The following TBCD variants were observed in gnomAD, a reference collection of about 807,000 sequenced individuals.
TBCD encodes tubulin-specific chaperone D.
Under a neutral mutation model 169.3 loss-of-function variants are expected in TBCD, and 105 were observed. The ratio of observed to expected loss-of-function variants is 0.62; its 90% confidence interval spans 0.53 to 0.73. The LOEUF (loss-of-function observed/expected upper bound fraction) is 0.73, where lower values mean the gene tolerates loss of function less well. Among genes scored for constraint, TBCD ranks in the 30% least tolerant of loss-of-function variants. The pLI, the probability that TBCD is intolerant of heterozygous loss-of-function variation, is 0.00. For synonymous variants in TBCD, 700 were observed against 643.9 expected, an observed-to-expected ratio of 1.09 and a Z score of -1.32; for missense variants, 1,444 against 1,600.1, an observed-to-expected ratio of 0.90 and a Z score of 1.66.
chr17:82,898,301 G>A (rs1344981945), intron 17 of TBCD, among the ~76,000 whole-genome samples: 5 of 29,174 alleles, frequency 1.7e-4, no homozygotes, highest in Non-Finnish European at 2.5e-4. Context: ...GGGAGCACAC[G>A]GCACGGCTCT....
intron 2 of TBCD, among the ~76,000 whole-genome samples, chr17:82,756,624 C>T (rs963022344): frequency 2.6e-5 from 4 of 152,128 alleles, no homozygotes; most frequent in Non-Finnish European, 5.9e-5. Context: ...GGATTACAGG[C>T]ATGCGCCACC....
In TBCD at chr17:82,881,355, A is replaced by G. The variant is rs377693579; in HGVS notation, c.1476-2790A>G. On this transcript the variant is annotated intron_variant, in intron 14 of 38. Coordinates refer to ENST00000355528, the MANE Select transcript of TBCD (RefSeq NM_005993.5). Reference sequence around the variant, plus strand: ...AATTAAACCAAGTAAACGGTAGCTCATTCGGTCAGGCCGCTTGCCGCCGAT... The same window carrying G: ...AATTAAACCAAGTAAACGGTAGCTCGTTCGGTCAGGCCGCTTGCCGCCGAT... Among the ~76,000 whole-genome samples, 17 of 152,346 alleles carry G rather than the reference A, an allele frequency of 1.1e-4. No individual in the cohort carries two copies. In the South Asian group the frequency reaches 2.9e-3, roughly 26 times the overall value.
chr17:82,883,825 C>A (rs1380397055), intron 14 of TBCD, among the ~76,000 whole-genome samples: 1 of 152,258 alleles, frequency 6.6e-6, no homozygotes, highest in Non-Finnish European at 1.5e-5. Flanking sequence ...TGCGCCGCCC[C>A]ACCACAGCAG....
At chr17:82,865,002 C>G (rs1238106583) in intron 13 of TBCD, among the ~76,000 whole-genome samples, 1 of 152,208 alleles carries the variant, frequency 6.6e-6, no homozygotes, top group African/African-American at 2.4e-5. Context: ...TGCAGCGTTG[C>G]AGGTGCAGCA....
intron 13 of TBCD, among the ~76,000 whole-genome samples, chr17:82,859,374 G>C (rs938652161): frequency 3.0e-4 from 45 of 148,306 alleles, no homozygotes; most frequent in African/African-American, 9.8e-4. Context: ...CAGGGAAAGG[G>C]AGTCTTGTGG....
At chr17:82,861,948 G>A (rs1197030321) in intron 13 of TBCD, among the ~76,000 whole-genome samples, 1 of 149,354 alleles carries the variant, frequency 6.7e-6, no homozygotes, top group African/African-American at 2.5e-5. Context: ...ACAGAGTCTC[G>A]CTGTCGCCCA....
intron 7 of TBCD, chr17:82,795,655 C>T: frequency 1.0e-6 from 1 of 957,076 alleles, no homozygotes; most frequent in South Asian, 4.8e-5. Context: ...ACGTACTCCA[C>T]AGCTGGTGGC....
chr17:82,873,328 A>G (rs113136124), intron 14 of TBCD, among the ~76,000 whole-genome samples: 13 of 152,190 alleles, frequency 8.5e-5, no homozygotes, highest in African/African-American at 3.1e-4. Context: ...CTGGCACAGG[A>G]CATGGGGGTG....
chr17:82,785,755 A>G (rs925728578), intron 7 of TBCD, among the ~76,000 whole-genome samples: 2 of 140,722 alleles, frequency 1.4e-5, no homozygotes, highest in African/African-American at 5.8e-5. Flanking sequence ...AGGGGGGTCC[A>G]TGCTGTGTGA....
At chr17:82,797,652 A>G in intron 7 of TBCD, 105 bp from the exon 8 acceptor site, 1 of 862,072 alleles carries the variant, frequency 1.2e-6, no homozygotes, top group Non-Finnish European at 1.8e-6. Context: ...GAGTGTTTAG[A>G]ATAAAAATTC....
At chr17:82,814,702 A>G (rs1040696370) in intron 12 of TBCD, 138 bp from the exon 13 acceptor site, 7 of 781,462 alleles carry the variant, frequency 9.0e-6, no homozygotes, top group African/African-American at 8.9e-5. Flanking sequence ...AAAACTTAGG[A>G]ATGGGTTTTA....
At position 82,861,983 on chromosome 17, in the gene TBCD, C is replaced by T. The variant is rs186261639; in HGVS notation, c.1319-8241C>T. ...AGGCTGGAGTGCTGGAGTGCAGTGG[C>T]GCGATCTCGGCTCACTGCAACCTCC... On this transcript the variant is annotated intron_variant, in intron 13 of 38. Coordinates refer to ENST00000355528, the MANE Select transcript of TBCD (RefSeq NM_005993.5). Among the ~76,000 whole-genome samples the T allele has an allele frequency of 1.2e-4, 18 of 151,056 alleles. 1 individual carries two copies. In the South Asian group the frequency reaches 3.1e-3, roughly 26 times the overall value.
At chr17:82,921,470 G>A (rs1179776266) in intron 24 of TBCD, 31 bp from the exon 25 acceptor site, 3 of 1,592,814 alleles carry the variant, frequency 1.9e-6, no homozygotes, top group African/African-American at 2.7e-5. Flanking sequence ...GTTTTTGATT[G>A]CCTGGGTACG....
intron 14 of TBCD, among the ~76,000 whole-genome samples, chr17:82,878,815 G>C (rs776484806): frequency 6.6e-6 from 1 of 152,128 alleles, no homozygotes; most frequent in Non-Finnish European, 1.5e-5. Context: ...CCACCCCGAC[G>C]TTCAGTGATT....
chr17:82,838,903 G>A (rs1228761092), intron 13 of TBCD: 1 of 985,298 alleles, frequency 1.0e-6, no homozygotes, highest in African/African-American at 1.7e-5. Context: ...AATGCTGGAA[G>A]GCCTTTGCTA....
chr17:82,766,996 A>G (rs979562402), intron 4 of TBCD, among the ~76,000 whole-genome samples: 1 of 152,188 alleles, frequency 6.6e-6, no homozygotes, highest in Admixed American at 6.5e-5. Context: ...GCACGAAACG[A>G]AATTCCAGAC....
chr17:82,914,904 A>G (rs2147020083), intron 23 of TBCD, among the ~76,000 whole-genome samples: 1 of 152,318 alleles, frequency 6.6e-6, no homozygotes, highest in Non-Finnish European at 1.5e-5. Flanking sequence ...ATAGTTCTGC[A>G]TAGCGTCTGT....
chr17:82,870,445 C>A, intron 14 of TBCD, 65 bp downstream of exon 14: 1 of 1,562,746 alleles, frequency 6.4e-7, no homozygotes, highest in Non-Finnish European at 8.7e-7. Context: ...GTGTCGTTTC[C>A]TCCATGAGAG....
chr17:82,847,884 GTGCTGGGAT>G (rs755137213), intron 13 of TBCD, among the ~76,000 whole-genome samples: 24 of 152,220 alleles, frequency 1.6e-4, no homozygotes, highest in Non-Finnish European at 1.9e-4. Flanking sequence ...GCCTCCCAAA[GTGCTGGGAT>G]TACTGGGATT....
Sources: allele counts gnomAD v4.1 joint callset (sites outside exome capture counted in the v4.1 genomes callset), GRCh38; gene constraint gnomAD v4.1.1; transcripts MANE v1.5; gene names NCBI Gene and HGNC (gene_info 2026-07-23, HGNC 2026-07-21).